Variants in ENTREP2 observed in about 807,000 individuals in gnomAD.
The protein encoded by ENTREP2 is protein ENTREP2.
chr15:29,496,479 T>C, the ENTREP2 span, among the ~76,000 whole-genome samples: 1 of 152,004 alleles, frequency 6.6e-6, no homozygotes, highest in Non-Finnish European at 1.5e-5. Flanking sequence ...GTGGTGAGAG[T>C]GGGCATCCTT....
At chr15:29,508,897 C>T in the ENTREP2 span, among the ~76,000 whole-genome samples, 1 of 152,102 alleles carries the variant, frequency 6.6e-6, no homozygotes. Flanking sequence ...GAAGTCCTGG[C>T]CAGGGCAATG....
chr15:29,420,006 T>C, the ENTREP2 span, among the ~76,000 whole-genome samples: 3 of 151,936 alleles, frequency 2.0e-5, no homozygotes, highest in Non-Finnish European at 2.9e-5. Flanking sequence ...CGACCAAACT[T>C]TGGAAGTTAT....
the ENTREP2 span, among the ~76,000 whole-genome samples, chr15:29,241,310 G>A: frequency 7.9e-5 from 12 of 152,164 alleles, no homozygotes; most frequent in African/African-American, 2.9e-4. Flanking sequence ...GTATGAAATG[G>A]AACTTTGAGT....
chr15:29,157,048 G>C, the ENTREP2 span, among the ~76,000 whole-genome samples: 1 of 152,166 alleles, frequency 6.6e-6, no homozygotes, highest in Admixed American at 6.5e-5. Flanking sequence ...CGTGAGCCGA[G>C]ATCATGCCAT....
At chr15:29,455,304 A>T in the ENTREP2 span, among the ~76,000 whole-genome samples, 1 of 152,140 alleles carries the variant, frequency 6.6e-6, no homozygotes, top group Admixed American at 6.6e-5. Flanking sequence ...GAATGAGCTC[A>T]GCAAAGAGAG....
At chr15:29,567,706 A>G in the ENTREP2 span, among the ~76,000 whole-genome samples, 1 of 152,194 alleles carries the variant, frequency 6.6e-6, no homozygotes, top group Admixed American at 6.5e-5. Context: ...AGGCCACCAG[A>G]GTAACAGGCT....
At chr15:29,491,803 C>T in the ENTREP2 span, among the ~76,000 whole-genome samples, 1 of 152,200 alleles carries the variant, frequency 6.6e-6, no homozygotes, top group African/African-American at 2.4e-5. Flanking sequence ...AGTTTCCAAT[C>T]ATGGTCATCT....
At chr15:29,555,599 G>A in the ENTREP2 span, among the ~76,000 whole-genome samples, 2 of 152,132 alleles carry the variant, frequency 1.3e-5, no homozygotes, top group East Asian at 1.9e-4. Flanking sequence ...GCCCTTCCAC[G>A]CTGCTCAGGG....
the ENTREP2 span, among the ~76,000 whole-genome samples, chr15:29,591,872 A>AGAAGAAGAAGAAGAAGAAGAG: frequency 2.5e-5 from 1 of 40,714 alleles, no homozygotes; most frequent in African/African-American, 1.1e-4. Flanking sequence ...AAGAAGAAGA[A>AGAAGAAGAAGAAGAAGAAGAG]GAAGAAGAAG....
At chr15:29,281,632 A>T in the ENTREP2 span, among the ~76,000 whole-genome samples, 1 of 152,224 alleles carries the variant, frequency 6.6e-6, no homozygotes, top group African/African-American at 2.4e-5. Flanking sequence ...TGAATTTGTG[A>T]GGCTGCTGAA....
the ENTREP2 span, among the ~76,000 whole-genome samples, chr15:29,653,330 C>T: frequency 3.3e-5 from 5 of 152,182 alleles, no homozygotes; most frequent in Non-Finnish European, 5.9e-5. Context: ...TTGTTTCTTG[C>T]TTCTGTCTCT....
At chr15:29,475,951 G>A in the ENTREP2 span, among the ~76,000 whole-genome samples, 1 of 152,230 alleles carries the variant, frequency 6.6e-6, no homozygotes, top group Non-Finnish European at 1.5e-5. Context: ...ATCTGCTCAT[G>A]AGACAAGAGC....
At chr15:29,546,893 A>C in the ENTREP2 span, among the ~76,000 whole-genome samples, 3 of 124,140 alleles carry the variant, frequency 2.4e-5, no homozygotes, top group African/African-American at 7.2e-5. Flanking sequence ...TCTCAAAAAA[A>C]AAAACAACAA....
the ENTREP2 span, among the ~76,000 whole-genome samples, chr15:29,159,584 A>C: frequency 6.6e-6 from 1 of 152,110 alleles, no homozygotes. Context: ...CAGGGTGCTG[A>C]TTGGTGCGTT....
the ENTREP2 span, among the ~76,000 whole-genome samples, chr15:29,296,986 C>A: frequency 9.1e-3 from 1,388 of 152,214 alleles, 8 homozygotes; most frequent in Non-Finnish European, 0.014. Context: ...CCATCTGTGA[C>A]CCATAAACCC....
chr15:29,504,997 T>A, the ENTREP2 span, among the ~76,000 whole-genome samples: 1 of 152,246 alleles, frequency 6.6e-6, no homozygotes, highest in African/African-American at 2.4e-5. Context: ...CCAAGTCACC[T>A]TGTAGATGAC....
At chr15:29,444,765 G>A in the ENTREP2 span, among the ~76,000 whole-genome samples, 3 of 152,134 alleles carry the variant, frequency 2.0e-5, no homozygotes, top group African/African-American at 7.2e-5. Flanking sequence ...ACACCTGGCC[G>A]GCAGATTTCA....
chr15:29,402,265 T>TATATATATATATATATACAC, the ENTREP2 span, among the ~76,000 whole-genome samples: 22 of 137,846 alleles, frequency 1.6e-4, no homozygotes, highest in Non-Finnish European at 2.7e-4. Context: ...TATATATATA[T>TATATATATATATATATACAC]ACACACACAT....
At chr15:29,180,799 A>G in the ENTREP2 span, among the ~76,000 whole-genome samples, 1 of 152,116 alleles carries the variant, frequency 6.6e-6, no homozygotes, top group Non-Finnish European at 1.5e-5. Context: ...GGAAAATTAA[A>G]GAAGTCTCAG....
Sources: allele counts gnomAD v4.1 joint callset (sites outside exome capture counted in the v4.1 genomes callset), GRCh38; gene constraint gnomAD v4.1.1; transcripts MANE v1.5; gene names NCBI Gene and HGNC (gene_info 2026-07-23, HGNC 2026-07-21).